Variants in HIF1A observed in about 807,000 individuals in gnomAD.
HIF1A encodes the protein hypoxia-inducible factor 1-alpha.
A neutral mutation model predicts 92.7 loss-of-function variants in HIF1A; 24 were observed. That is an observed-to-expected ratio of 0.26 (90% CI 0.19 to 0.36). The LOEUF is 0.36. Ranked by LOEUF, HIF1A falls within the 10% of genes least tolerant of loss-of-function variation. The probability of loss-of-function intolerance (pLI) is 1.00; values close to 1 mark genes in which losing one functional copy is unlikely to be tolerated. For missense variants in HIF1A, 799 were observed against 998.5 expected (o/e 0.80, Z 2.69); for synonymous variants, 319 against 338.7 (o/e 0.94, Z 0.64).
intron 1 of HIF1A, among the ~76,000 whole-genome samples, chr14:61,701,508 T>C (rs2044175892): frequency 6.6e-6 from 1 of 151,976 alleles, no homozygotes; most frequent in Non-Finnish European, 1.5e-5. Context: ...AGCTGAAAAA[T>C]ACTATGGTTA....
intron 1 of HIF1A, among the ~76,000 whole-genome samples, chr14:61,698,341 G>A (rs2044139174): frequency 6.6e-6 from 1 of 152,126 alleles, no homozygotes; most frequent in South Asian, 2.1e-4. Context: ...TGAGTTAAGG[G>A]TCCCAGCCCT....
intron 1 of HIF1A, among the ~76,000 whole-genome samples, chr14:61,702,741 G>GA (rs1160936383): frequency 1.3e-5 from 2 of 151,974 alleles, no homozygotes; most frequent in Admixed American, 6.6e-5. Flanking sequence ...AATTTTGGAG[G>GA]AAAAAATTTA....
At chr14:61,711,295 C>T (rs1048763760) in intron 1 of HIF1A, among the ~76,000 whole-genome samples, 3 of 142,836 alleles carry the variant, frequency 2.1e-5, no homozygotes, top group Non-Finnish European at 4.5e-5. Flanking sequence ...GCCTTGAACT[C>T]CTGGGCTCAA....
intron 1 of HIF1A, among the ~76,000 whole-genome samples, chr14:61,718,036 A>T (rs559884017): frequency 6.6e-6 from 1 of 150,800 alleles, no homozygotes; most frequent in Non-Finnish European, 1.5e-5. Context: ...AAAAAAAAGC[A>T]TATATAGCAC....
intron 4 of HIF1A, among the ~76,000 whole-genome samples, chr14:61,722,270 T>C (rs936718984): frequency 2.7e-4 from 41 of 152,144 alleles, no homozygotes; most frequent in Non-Finnish European, 5.9e-4. Context: ...AAATTATTTG[T>C]AGAGACAAAG....
At chr14:61,717,288 C>T (rs1594867437) in intron 1 of HIF1A, among the ~76,000 whole-genome samples, 1 of 152,122 alleles carries the variant, frequency 6.6e-6, no homozygotes, top group Non-Finnish European at 1.5e-5. Context: ...TGCTGAAACT[C>T]ACAAGAACTT....
intron 1 of HIF1A, among the ~76,000 whole-genome samples, 198 bp downstream of exon 1, chr14:61,696,037 G>A (rs1226712047): frequency 6.6e-6 from 1 of 152,184 alleles, no homozygotes; most frequent in East Asian, 1.9e-4. Flanking sequence ...ATCTTGTCGT[G>A]GGGGGTGGGA....
In HIF1A at chr14:61,740,940, C is replaced by G; in HGVS notation, c.1845C>G (p.Thr615=). 1 of 1,614,098 alleles carries G rather than the reference C, an allele frequency of 6.2e-7. No homozygotes were observed. Among genetic ancestry groups the G allele is most frequent in the Non-Finnish European group, 8.5e-7 (1 of 1,179,974 alleles). Residue 615 remains threonine, a synonymous_variant, in exon 12 of 15, where the codon ACC becomes ACG. Coordinates refer to ENST00000337138, the MANE Select transcript of HIF1A (RefSeq NM_001530.4). ...TACAAGAACCTACTGCTAATGCCAC[C>G]ACTACCACTGCCACCACTGATGAAT... ...TQIQEPTANA[T]TTTATTDELK...
At chr14:61,740,649 A>G (rs1487352126) in intron 11 of HIF1A, 22 bp downstream of exon 11, 1 of 1,566,916 alleles carries the variant, frequency 6.4e-7, no homozygotes, top group Non-Finnish European at 8.6e-7. Context: ...TATTTGTTTT[A>G]TATTAAATTT....
Position 61,747,156 on chromosome 14 carries a change from TC to T in HIF1A, c.*72del. ...TACCTAAAGCAGTCTATTTATATTT[TC>T]TACATCTAATTTTAGAAGCCTGGCT... On this transcript the variant is annotated 3_prime_UTR_variant, in exon 15 of 15. Coordinates refer to ENST00000337138, the MANE Select transcript of HIF1A (RefSeq NM_001530.4). 7.4e-7 allele frequency: 1 copy of T among 1,348,546 alleles called. No individual in the cohort carries two copies. The highest frequency in any genetic ancestry group is 1.0e-6 in the Non-Finnish European group (1 of 989,504). The allele number at this position is 1,348,546 out of a possible 1,614,324, so 83.5% of individuals were successfully genotyped here.
rs949237445 is a variant in HIF1A, at chr14:61,726,652, G to A, written c.458-54G>A. 4.4e-6 allele frequency: 5 copies of A among 1,136,382 alleles called. No individual in the cohort carries two copies. The African/African-American group carries it at 7.9e-5, about 18-fold the overall frequency. 70.4% of individuals were successfully genotyped at this position (1,136,382 alleles called of 1,614,324 possible). On this transcript the variant is annotated intron_variant, in intron 4 of 14. Transcript: ENST00000337138. ...TGATGGGCACTTTGTTACTTTTATT[G>A]TAACAAATTTGTATATTTAGTTGCT...
intron 1 of HIF1A, chr14:61,697,852 T>A: frequency 1.3e-6 from 2 of 1,510,108 alleles, no homozygotes; most frequent in Non-Finnish European, 1.8e-6. Flanking sequence ...TCATTTTAAA[T>A]GAGCTCCCAA....
intron 9 of HIF1A, among the ~76,000 whole-genome samples, chr14:61,737,353 A>G (rs1415039119): frequency 6.6e-6 from 1 of 152,208 alleles, no homozygotes; most frequent in Non-Finnish European, 1.5e-5. Context: ...TTCTTCCCAC[A>G]TAAATTTTTC....
intron 1 of HIF1A, among the ~76,000 whole-genome samples, chr14:61,709,134 T>A (rs1248475850): frequency 2.6e-5 from 4 of 152,134 alleles, no homozygotes; most frequent in African/African-American, 9.7e-5. Context: ...CGACCTCAGG[T>A]GATCCGCCCA....
intron 2 of HIF1A, 25 bp downstream of exon 2, chr14:61,720,597 A>G (rs772935600): frequency 1.4e-6 from 2 of 1,427,280 alleles, no homozygotes; most frequent in Non-Finnish European, 1.9e-6. Flanking sequence ...AAGGGTATAA[A>G]TAGGCCTGAA....
Position 61,695,964 on chromosome 14 carries a change from C to T in HIF1A, c.35+125C>T, listed in dbSNP as rs776576190. 143 of 832,680 alleles carry T rather than the reference C, an allele frequency of 1.7e-4. 1 individual carries two copies. The Middle Eastern group carries it at 2.7e-3, about 16-fold the overall frequency. The allele number at this position is 832,680 out of a possible 1,614,324, so 51.6% of individuals were successfully genotyped here. A position where few individuals can be genotyped will look rare whatever the true frequency, so the allele number is the denominator to read the frequency against. Reference sequence around the variant, plus strand: ...GGGGGCAGCCTTTTTGTTTCTGCTGCTGCTCCCCTCCCCTCTCTTCCCCCA... The same window carrying T: ...GGGGGCAGCCTTTTTGTTTCTGCTGTTGCTCCCCTCCCCTCTCTTCCCCCA... On this transcript the variant is annotated intron_variant, in intron 1 of 14. Coordinates refer to ENST00000337138, the MANE Select transcript of HIF1A (RefSeq NM_001530.4).
intron 12 of HIF1A, among the ~76,000 whole-genome samples, chr14:61,744,393 C>G (rs35244739): frequency 6.6e-6 from 1 of 151,564 alleles, no homozygotes; most frequent in South Asian, 2.1e-4. Context: ...AGTCATAATC[C>G]CAGCTACTTG....
In HIF1A at chr14:61,703,276, T is replaced by G. The variant is rs560445711; in HGVS notation, c.35+7437T>G. 1.8e-3 allele frequency among the ~76,000 whole-genome samples: 281 copies of G among 152,174 alleles called. 1 individual carries two copies. Among genetic ancestry groups the G allele is most frequent in the Middle Eastern group, 6.8e-3 (2 of 294 alleles). On this transcript the variant is annotated intron_variant, in intron 1 of 14. Transcript: ENST00000337138. ...CCTAGTTGTATTTTAGAGTGTCATT[T>G]TCTTGAACTTTATCATCATTAAAGT...
chr14:61,719,057 A>G (rs2044396381), intron 1 of HIF1A, among the ~76,000 whole-genome samples: 1 of 152,244 alleles, frequency 6.6e-6, no homozygotes, highest in South Asian at 2.1e-4. Context: ...TTGTTACTCC[A>G]GAATGTTGCT....
Sources: gnomAD v4.1 joint callset for allele counts (sites outside exome capture counted in the v4.1 genomes callset) on GRCh38, gnomAD v4.1.1 for gene constraint, MANE v1.5 for transcripts, NCBI Gene and HGNC (gene_info 2026-07-23, HGNC 2026-07-21) for gene names.